Variants in ADGRB3 observed in about 807,000 individuals in gnomAD.
ADGRB3 encodes the protein brain-specific angiogenesis inhibitor 3.
Under a neutral mutation model 193.4 loss-of-function variants are expected in ADGRB3, and 37 were observed. The observed-to-expected ratio is 0.19, with a 90% CI of 0.15 to 0.25. ADGRB3 has a LOEUF of 0.25. Among genes scored for constraint, ADGRB3 ranks in the 10% least tolerant of loss-of-function variants. The pLI is 1.00. For missense variants in ADGRB3, 1,637 were observed against 1,852.9 expected (o/e 0.88, Z 2.14); for synonymous variants, 690 against 644.2 (o/e 1.07, Z -1.08).
At chr6:69,196,133 A>T (rs1449082127) in intron 17 of ADGRB3, among the ~76,000 whole-genome samples, 1 of 152,164 alleles carries the variant, frequency 6.6e-6, no homozygotes, top group Non-Finnish European at 1.5e-5. Context: ...GATGTAAATT[A>T]AACCTTCATA....
intron 20 of ADGRB3, among the ~76,000 whole-genome samples, chr6:69,255,479 T>G (rs936247268): frequency 1.3e-5 from 2 of 152,226 alleles, no homozygotes; most frequent in African/African-American, 4.8e-5. Flanking sequence ...CATTTTTTCA[T>G]GTGTTTTTTG....
chr6:69,168,635 C>G (rs1436490774), intron 17 of ADGRB3, among the ~76,000 whole-genome samples: 3 of 151,902 alleles, frequency 2.0e-5, no homozygotes, highest in Admixed American at 6.6e-5. Context: ...GGGTATGAGC[C>G]ATAATTTAAA....
chr6:69,144,844 A>G (rs896760878), intron 17 of ADGRB3, among the ~76,000 whole-genome samples: 1 of 144,152 alleles, frequency 6.9e-6, no homozygotes, highest in Non-Finnish European at 1.5e-5. Context: ...ATCAATGTTA[A>G]TCAGGAACAT....
intron 3 of ADGRB3, among the ~76,000 whole-genome samples, chr6:68,892,306 C>G (rs955368611): frequency 6.6e-6 from 1 of 152,160 alleles, no homozygotes; most frequent in African/African-American, 2.4e-5. Flanking sequence ...TCTCCAGCCT[C>G]ACTCCATCCA....
At chr6:68,853,212 A>G (rs1768440879) in intron 3 of ADGRB3, among the ~76,000 whole-genome samples, 1 of 152,094 alleles carries the variant, frequency 6.6e-6, no homozygotes, top group Non-Finnish European at 1.5e-5. Context: ...ACAAATTATG[A>G]TATATCTTTG....
intron 4 of ADGRB3, among the ~76,000 whole-genome samples, chr6:68,930,979 AATTG>A (rs1767320963): frequency 6.6e-6 from 1 of 152,024 alleles, no homozygotes; most frequent in African/African-American, 2.4e-5. Flanking sequence ...TTTCTTCAAT[AATTG>A]ATTGACATAA....
intron 20 of ADGRB3, among the ~76,000 whole-genome samples, chr6:69,242,980 C>T (rs773283641): frequency 1.3e-5 from 2 of 151,840 alleles, no homozygotes; most frequent in Non-Finnish European, 2.9e-5. Flanking sequence ...ATTTTGAAAA[C>T]ATAAATTTAG....
intron 13 of ADGRB3, among the ~76,000 whole-genome samples, chr6:69,047,500 C>T (rs894286054): frequency 6.6e-6 from 1 of 151,074 alleles, no homozygotes; most frequent in African/African-American, 2.4e-5. Flanking sequence ...GGACACAATT[C>T]TCTGTTTATA....
chr6:69,281,711 G>A (rs1401229046), intron 20 of ADGRB3, among the ~76,000 whole-genome samples: 1 of 152,172 alleles, frequency 6.6e-6, no homozygotes, highest in African/African-American at 2.4e-5. Flanking sequence ...GTTAAGTGAG[G>A]CCATGGAGAA....
intron 16 of ADGRB3, among the ~76,000 whole-genome samples, chr6:69,073,503 G>A (rs1189754732): frequency 6.6e-6 from 1 of 152,130 alleles, no homozygotes; most frequent in African/African-American, 2.4e-5. Context: ...GGGAAAAGAG[G>A]GGATGAAAAT....
At chr6:68,830,117 A>G (rs1044957132) in intron 3 of ADGRB3, among the ~76,000 whole-genome samples, 1 of 152,184 alleles carries the variant, frequency 6.6e-6, no homozygotes, top group Non-Finnish European at 1.5e-5. Flanking sequence ...GCTTATTTTA[A>G]GAAAAGTCTT....
intron 8 of ADGRB3, among the ~76,000 whole-genome samples, chr6:68,974,485 C>A (rs1029793633): frequency 6.6e-5 from 10 of 151,926 alleles, no homozygotes; most frequent in African/African-American, 2.2e-4. Flanking sequence ...AACAAAAAAT[C>A]GGCCAGATGT....
chr6:69,332,700 C>T, intron 23 of ADGRB3: 2 of 985,360 alleles, frequency 2.0e-6, no homozygotes, highest in East Asian at 2.3e-4. Flanking sequence ...AACTGCAAAG[C>T]ATGGAAATTA....
chr6:68,716,838 C>T (rs1765497321), intron 3 of ADGRB3, among the ~76,000 whole-genome samples: 1 of 151,604 alleles, frequency 6.6e-6, no homozygotes, highest in African/African-American at 2.4e-5. Flanking sequence ...AATGTTTTAT[C>T]CTCCTGTTCC....
chr6:69,096,363 GTTTT>G (rs70987448), intron 17 of ADGRB3, among the ~76,000 whole-genome samples: 1 of 132,622 alleles, frequency 7.5e-6, no homozygotes, highest in African/African-American at 2.8e-5. Context: ...ATTGTTTTGG[GTTTT>G]TTTTTTTTTT....
At chr6:68,715,229 A>G (rs910553569) in intron 3 of ADGRB3, among the ~76,000 whole-genome samples, 2 of 151,572 alleles carry the variant, frequency 1.3e-5, no homozygotes, top group African/African-American at 2.4e-5. Context: ...ATCGCTGAGG[A>G]GTATAATAGT....
intron 3 of ADGRB3, among the ~76,000 whole-genome samples, chr6:68,802,719 C>T (rs990781990): frequency 2.6e-5 from 4 of 151,920 alleles, no homozygotes; most frequent in African/African-American, 7.3e-5. Context: ...TTTAGAACTT[C>T]TTTATCTACA....
At chr6:69,208,754 T>G (rs1765592545) in intron 17 of ADGRB3, among the ~76,000 whole-genome samples, 1 of 152,200 alleles carries the variant, frequency 6.6e-6, no homozygotes, top group Non-Finnish European at 1.5e-5. Context: ...AACTTCTTCA[T>G]GTAACTTACT....
chr6:68,753,274 G>A (rs1219423154), intron 3 of ADGRB3, among the ~76,000 whole-genome samples: 1 of 152,166 alleles, frequency 6.6e-6, no homozygotes, highest in Non-Finnish European at 1.5e-5. Context: ...TGATTAGAAA[G>A]TCCTTCAGAC....
Sources: allele counts gnomAD v4.1 joint callset (sites outside exome capture counted in the v4.1 genomes callset), GRCh38; gene constraint gnomAD v4.1.1; transcripts MANE v1.5; gene names NCBI Gene and HGNC (gene_info 2026-07-23, HGNC 2026-07-21).